The following KIF26B variants were observed in gnomAD, a reference collection of about 807,000 sequenced individuals.
KIF26B encodes kinesin family member 26B.
Under a neutral mutation model 151.2 loss-of-function variants are expected in KIF26B, and 63 were observed. The observed-to-expected ratio is 0.42, with a 90% CI of 0.34 to 0.51. KIF26B has a LOEUF of 0.51. Among genes scored for constraint, KIF26B ranks in the 20% least tolerant of loss-of-function variants. KIF26B has a pLI of 0.07. For synonymous variants in KIF26B, 1,357 were observed against 1,262.1 expected (o/e 1.08, Z -1.59); for missense variants, 2,813 against 2,913.6 (o/e 0.97, Z 0.79).
chr1:245,525,577 G>A (rs993255946), intron 4 of KIF26B, among the ~76,000 whole-genome samples: 1 of 152,324 alleles, frequency 6.6e-6, no homozygotes, highest in South Asian at 2.1e-4. Context: ...AAGCCTAGCT[G>A]TTGTGTAAAC....
rs376338525 is a variant in KIF26B at position 245,170,268 on chromosome 1, G to A, written c.465+13585G>A. Among the ~76,000 whole-genome samples the A allele has an allele frequency of 6.6e-6, 1 of 152,192 alleles. No homozygotes were observed. Among genetic ancestry groups the A allele is most frequent in the Admixed American group, 6.5e-5 (1 of 15,280 alleles). On this transcript the variant is annotated intron_variant, in intron 2 of 14. Coordinates refer to ENST00000407071, the MANE Select transcript of KIF26B (RefSeq NM_018012.4). The surrounding 1 kb of genome is among the most constrained non-coding windows in gnomAD (Gnocchi z 4.4). Reference sequence around the variant, plus strand: ...GAGTAAGAGCAGCGCCTTCACCTCGGTGGAGCTTAGTCTAGGCATTTATGG... The same window carrying A: ...GAGTAAGAGCAGCGCCTTCACCTCGATGGAGCTTAGTCTAGGCATTTATGG...
chr1:245,486,472 T>C (rs976156239), intron 4 of KIF26B, among the ~76,000 whole-genome samples: 9 of 152,180 alleles, frequency 5.9e-5, no homozygotes, highest in African/African-American at 2.2e-4. Context: ...ATATGTAAAA[T>C]AATTTCATAT....
chr1:245,367,192 A>G lies in KIF26B; in HGVS notation c.824A>G (p.Asn275Ser), dbSNP rs1365937315. 1.2e-6 allele frequency: 2 copies of G among 1,608,856 alleles called. No homozygotes were observed. The highest frequency in any genetic ancestry group is 1.7e-6 in the Non-Finnish European group (2 of 1,177,700). ...AAACCCAGCAGCCTTGGGGTCAGCA[A>G]TGGGGCGGAAAAGAAGAGCGGGTCC... is the stretch of plus-strand genomic sequence containing the variant. ...GSKPSSLGVSNGAEKKSGSPT... is the reference protein window; with the variant it reads ...GSKPSSLGVSSGAEKKSGSPT... The change falls in exon 3 of 15, where the codon AAT (asparagine) becomes AGT (serine). Residue 275 changes from asparagine (N) to serine (S), a missense_variant. Asn to Ser is a conservative substitution (Grantham distance 46). Transcript: ENST00000407071. This position sits in a 1 kb window ranked among gnomAD's most constrained non-coding sequence, Gnocchi z 4.2.
At chr1:245,559,628 G>A (rs2042918804) in intron 5 of KIF26B, among the ~76,000 whole-genome samples, 1 of 152,120 alleles carries the variant, frequency 6.6e-6, no homozygotes, top group Non-Finnish European at 1.5e-5. Context: ...TGGTCAGGCT[G>A]GTCTTGAATT....
At chr1:245,261,492 TCTCTCTCTCTCCCTCC>T (rs1228826732) in intron 2 of KIF26B, among the ~76,000 whole-genome samples, 322 of 77,598 alleles carry the variant, frequency 4.1e-3, no homozygotes, top group African/African-American at 7.8e-3. Flanking sequence ...TCTCTCTCTC[TCTCTCTCTCTCCCTCC>T]CTCCCTCCCT....
In KIF26B at chr1:245,442,756, TAC is replaced by T. The variant is rs1184605496; in HGVS notation, c.1166+23013_1166+23014del. 2.1e-4 allele frequency among the ~76,000 whole-genome samples: 24 copies of T among 112,614 alleles called. 1 individual carries two copies. The highest frequency in any genetic ancestry group is 1.8e-3 in the East Asian group (8 of 4,420). The allele number at this position is 112,614 out of a possible 152,430, so 73.9% of individuals were successfully genotyped here. A position where few individuals can be genotyped will look rare whatever the true frequency, so the allele number is the denominator to read the frequency against. On this transcript the variant is annotated intron_variant, in intron 4 of 14. Coordinates refer to ENST00000407071, the MANE Select transcript of KIF26B (RefSeq NM_018012.4). ...GCTGTCATCTCCCTCACTGTTCACC[TAC>T]AGCGGTCATCTCCCTCACTGTTCAC...
chr1:245,422,761 C>G (rs1179927553), intron 4 of KIF26B, among the ~76,000 whole-genome samples: 1 of 152,126 alleles, frequency 6.6e-6, no homozygotes, highest in African/African-American at 2.4e-5. Context: ...CCCTGGAACT[C>G]TCCTATAGCT....
At chr1:245,559,408 T>C (rs1301868017) in intron 5 of KIF26B, among the ~76,000 whole-genome samples, 1 of 152,154 alleles carries the variant, frequency 6.6e-6, no homozygotes, top group East Asian at 1.9e-4. Flanking sequence ...CAAGGTTTTT[T>C]TTTTGGTTTT....
intron 2 of KIF26B, among the ~76,000 whole-genome samples, chr1:245,249,639 C>T (rs1481344703): frequency 1.3e-5 from 2 of 151,930 alleles, no homozygotes; most frequent in Admixed American, 6.6e-5. Flanking sequence ...CCCACCACCA[C>T]GCCTGGCTAA....
chr1:245,664,240 C>T (rs989835630), intron 10 of KIF26B, among the ~76,000 whole-genome samples: 6 of 151,890 alleles, frequency 4.0e-5, no homozygotes, highest in East Asian at 2.0e-4. Flanking sequence ...TGGTGGCGGG[C>T]GCCTGTAATC....
At chr1:245,283,689 A>ATTTT (rs1671107325) in intron 2 of KIF26B, among the ~76,000 whole-genome samples, 1 of 87,478 alleles carries the variant, frequency 1.1e-5, no homozygotes, top group Admixed American at 1.3e-4. Flanking sequence ...CAAGCTTGAG[A>ATTTT]ATTTTTTTTT....
intron 3 of KIF26B, among the ~76,000 whole-genome samples, chr1:245,390,941 A>AAC (rs1558147929): frequency 1.4e-5 from 2 of 146,356 alleles, no homozygotes; most frequent in African/African-American, 2.5e-5. Flanking sequence ...AAAAAAAAAA[A>AAC]AAAAAAAAAA....
At chr1:245,697,074 G>A (rs1249221812) in intron 12 of KIF26B, among the ~76,000 whole-genome samples, 1 of 152,318 alleles carries the variant, frequency 6.6e-6, no homozygotes. Flanking sequence ...TCACACCACT[G>A]CACTCCAGCC....
intron 10 of KIF26B, among the ~76,000 whole-genome samples, chr1:245,680,555 C>T (rs976418060): frequency 8.5e-5 from 13 of 152,142 alleles, no homozygotes; most frequent in African/African-American, 2.7e-4. Flanking sequence ...TTCGCTATCA[C>T]GATGTTCTCT....
intron 11 of KIF26B, among the ~76,000 whole-genome samples, chr1:245,684,941 C>G (rs549976491): frequency 2.0e-4 from 31 of 152,220 alleles, no homozygotes; most frequent in Admixed American, 3.9e-4. Flanking sequence ...AGAGGCCAAG[C>G]CAGGATGGTG....
intron 4 of KIF26B, among the ~76,000 whole-genome samples, chr1:245,515,779 T>G (rs1182422868): frequency 1.3e-5 from 2 of 152,182 alleles, no homozygotes; most frequent in Non-Finnish European, 2.9e-5. Context: ...AACTTTTCAT[T>G]GCAGAATGAC....
Position 245,546,027 on chromosome 1 carries a change from A to G in KIF26B, c.1350+5077A>G, listed in dbSNP as rs1661732692. Among the ~76,000 whole-genome samples the G allele has an allele frequency of 1.3e-5, 2 of 152,206 alleles. 1 individual carries two copies. The highest frequency in any genetic ancestry group is 6.3e-3 in the Middle Eastern group (2 of 316). On this transcript the variant is annotated intron_variant, in intron 5 of 14. Transcript: ENST00000407071. ...TAATGGTGACAGTCATATTGGATTG[A>G]TGACAATCAACCTTTTACCCTTTTA...
intron 2 of KIF26B, among the ~76,000 whole-genome samples, chr1:245,175,920 A>ATATTTAGATG (rs1668795238): frequency 1.6e-5 from 2 of 123,156 alleles, no homozygotes; most frequent in African/African-American, 7.1e-5. Flanking sequence ...CTATATCTAT[A>ATATTTAGATG]TCTATATATT....
At chr1:245,272,702 A>G (rs1159284520) in intron 2 of KIF26B, among the ~76,000 whole-genome samples, 2 of 151,916 alleles carry the variant, frequency 1.3e-5, no homozygotes, top group Non-Finnish European at 2.9e-5. Flanking sequence ...TACAGCTCAC[A>G]GGTTTTGGTG....
Sources: gnomAD v4.1 joint callset for allele counts (sites outside exome capture counted in the v4.1 genomes callset) on GRCh38, gnomAD v4.1.1 for gene constraint, Gnocchi (gnomAD v3.1) non-coding constraint, MANE v1.5 for transcripts, NCBI Gene and HGNC (gene_info 2026-07-23, HGNC 2026-07-21) for gene names.